C12orf42: variants seen among roughly 807,000 people sequenced by gnomAD.
C12orf42 encodes uncharacterized protein C12orf42.
Under a neutral mutation model 21.6 loss-of-function variants are expected in C12orf42, and 25 were observed. That is an observed-to-expected ratio of 1.16 (90% CI 0.84 to 1.62). The LOEUF is 1.62. C12orf42 is among the 40% of genes most tolerant of loss of function. The probability of loss-of-function intolerance (pLI) is 0.00; values close to 1 mark genes in which losing one functional copy is unlikely to be tolerated. For synonymous variants in C12orf42, 174 were observed against 175.0 expected (o/e 0.99, Z 0.05); for missense variants, 483 against 459.3 (o/e 1.05, Z -0.47).
At chr12:103,274,137 T>C (rs1300745993) in intron 5 of C12orf42, among the ~76,000 whole-genome samples, 1 of 152,148 alleles carries the variant, frequency 6.6e-6, no homozygotes, top group African/African-American at 2.4e-5. Flanking sequence ...TCCTAGGAAA[T>C]AGGTACTGAT....
chr12:103,169,939 T>C, the C12orf42 span, among the ~76,000 whole-genome samples: 2 of 152,140 alleles, frequency 1.3e-5, no homozygotes, highest in African/African-American at 2.4e-5. Context: ...GGAGCTCCCA[T>C]TGAGCTTTTT....
chr12:103,198,682 T>G, the C12orf42 span, among the ~76,000 whole-genome samples: 1 of 152,232 alleles, frequency 6.6e-6, no homozygotes, highest in Admixed American at 6.5e-5. Flanking sequence ...CTGAGGTCTG[T>G]GGCAAGAGTG....
intron 4 of C12orf42, among the ~76,000 whole-genome samples, chr12:103,310,667 G>A (rs2038891531): frequency 6.6e-6 from 1 of 152,156 alleles, no homozygotes; most frequent in Non-Finnish European, 1.5e-5. Flanking sequence ...TTAGAACAGT[G>A]GGAATGCATT....
chr12:103,184,664 G>T, the C12orf42 span, among the ~76,000 whole-genome samples: 1 of 151,404 alleles, frequency 6.6e-6, no homozygotes, highest in Non-Finnish European at 1.5e-5. Context: ...TCAAAGACAT[G>T]GGGGCAGATG....
intron 3 of C12orf42, among the ~76,000 whole-genome samples, chr12:103,394,367 C>T (rs1369432936): frequency 2.0e-5 from 3 of 152,186 alleles, no homozygotes; most frequent in African/African-American, 4.8e-5. Context: ...GTTGTCTGTC[C>T]TGCCCTACGT....
chr12:103,467,451 T>C (rs148477940), intron 2 of C12orf42, among the ~76,000 whole-genome samples: 1 of 152,254 alleles, frequency 6.6e-6, no homozygotes, highest in African/African-American at 2.4e-5. Flanking sequence ...TGTTCCCATC[T>C]CCAGATACAA....
chr12:103,294,635 A>AGAAG (rs1254895278), intron 4 of C12orf42, among the ~76,000 whole-genome samples: 8 of 146,008 alleles, frequency 5.5e-5, no homozygotes, highest in Admixed American at 3.6e-4. Context: ...AAAGAAAGAA[A>AGAAG]GAAGGAAAAG....
At chr12:103,280,867 C>T (rs1216328859) in intron 4 of C12orf42, among the ~76,000 whole-genome samples, 1 of 152,136 alleles carries the variant, frequency 6.6e-6, no homozygotes, top group Non-Finnish European at 1.5e-5. Context: ...ACTTGCAGAT[C>T]ACCCAGCCAC....
At chr12:103,201,744 T>C in the C12orf42 span, among the ~76,000 whole-genome samples, 5,424 of 152,266 alleles carry the variant, frequency 0.036, 111 homozygotes, top group Admixed American at 0.054. Flanking sequence ...GCAAAACTTC[T>C]TGAACCACCA....
At chr12:103,092,839 T>C in the C12orf42 span, among the ~76,000 whole-genome samples, 1 of 152,228 alleles carries the variant, frequency 6.6e-6, no homozygotes. Context: ...AACCTTGCTA[T>C]AGCAAGAACG....
At chr12:103,381,319 A>G (rs2046150057) in intron 3 of C12orf42, among the ~76,000 whole-genome samples, 1 of 152,228 alleles carries the variant, frequency 6.6e-6, no homozygotes, top group African/African-American at 2.4e-5. Flanking sequence ...GAGCACATTG[A>G]CAGGTTAATG....
At chr12:103,287,762 A>G (rs1031771036) in intron 4 of C12orf42, among the ~76,000 whole-genome samples, 1 of 151,992 alleles carries the variant, frequency 6.6e-6, no homozygotes, top group Non-Finnish European at 1.5e-5. Flanking sequence ...TACAAAAATC[A>G]GAAATTCTAA....
At chr12:103,256,093 T>A (rs1357598442) in intron 10 of C12orf42, among the ~76,000 whole-genome samples, 5 of 48,836 alleles carry the variant, frequency 1.0e-4, no homozygotes, top group African/African-American at 3.4e-4. Flanking sequence ...AAAATATATA[T>A]ATATATATAT....
the C12orf42 span, among the ~76,000 whole-genome samples, chr12:103,154,384 A>T: frequency 8.5e-5 from 13 of 152,204 alleles, no homozygotes; most frequent in Non-Finnish European, 1.3e-4. Flanking sequence ...AAAAAACCCA[A>T]CACCTTGGAA....
At chr12:103,236,865 A>G (rs2033484479), downstream of C12orf42, among the ~76,000 whole-genome samples, 1 of 152,142 alleles carries the variant, frequency 6.6e-6, no homozygotes, top group Non-Finnish European at 1.5e-5. Context: ...AAGGAAGAAA[A>G]TCAATCTTTC....
At position 103,413,736 on chromosome 12, in the gene C12orf42, G is replaced by A. The variant is rs115359726; in HGVS notation, c.79-12061C>T. On this transcript the variant is annotated intron_variant, in intron 2 of 5. Transcript: ENST00000548883. ...TATAAATGAGAACATGGGATGTTTG[G>A]TTTTCCATTTCTAAGCTACTTCACT... Among the ~76,000 whole-genome samples, 612 of 152,120 alleles carry A rather than the reference G, an allele frequency of 4.0e-3. 4 individuals carry two copies. The highest frequency in any genetic ancestry group is 0.014 in the African/African-American group (581 of 41,488).
At chr12:103,197,297 T>C in the C12orf42 span, among the ~76,000 whole-genome samples, 1 of 152,210 alleles carries the variant, frequency 6.6e-6, no homozygotes, top group African/African-American at 2.4e-5. Context: ...GTTAGCCTGA[T>C]AGGGTTCCCT....
chr12:103,159,446 C>A, the C12orf42 span: 1 of 152,204 alleles, frequency 6.6e-6, no homozygotes, highest in African/African-American at 2.4e-5. Context: ...TTGGATATTT[C>A]TCCTGCCTTC....
intron 4 of C12orf42, among the ~76,000 whole-genome samples, chr12:103,359,838 T>C (rs1003081471): frequency 2.6e-5 from 4 of 151,978 alleles, no homozygotes; most frequent in Admixed American, 2.6e-4. Flanking sequence ...ATGGTGCCAG[T>C]TGTTTAACAG....
Sources: gnomAD v4.1 joint callset for allele counts (sites outside exome capture counted in the v4.1 genomes callset) on GRCh38, gnomAD v4.1.1 for gene constraint, MANE v1.5 for transcripts, NCBI Gene and HGNC (gene_info 2026-07-23, HGNC 2026-07-21) for gene names.